The following CNTN5 variants were observed in gnomAD, a reference collection of about 807,000 sequenced individuals.
The protein encoded by CNTN5 is contactin-5.
Under a neutral mutation model 129.1 loss-of-function variants are expected in CNTN5, and 77 were observed. That is an observed-to-expected ratio of 0.60 (90% CI 0.50 to 0.72). The LOEUF (loss-of-function observed/expected upper bound fraction) is 0.72. Among genes scored for constraint, CNTN5 ranks in the 30% least tolerant of loss-of-function variants. The probability of loss-of-function intolerance (pLI) is 0.00; values close to 1 mark genes in which losing one functional copy is unlikely to be tolerated. For missense variants in CNTN5, 1,478 were observed against 1,328.8 expected (o/e 1.11, Z -1.75); for synonymous variants, 509 against 465.6 (o/e 1.09, Z -1.20).
At chr11:100,140,653 G>T (rs1946668130) in intron 13 of CNTN5, among the ~76,000 whole-genome samples, 1 of 152,144 alleles carries the variant, frequency 6.6e-6, no homozygotes, top group Non-Finnish European at 1.5e-5. Context: ...TGAGTTAGAG[G>T]ACAGAGGAGG....
At chr11:99,588,082 G>T (rs1436866009) in intron 3 of CNTN5, among the ~76,000 whole-genome samples, 1 of 152,152 alleles carries the variant, frequency 6.6e-6, no homozygotes, top group African/African-American at 2.4e-5. Context: ...AGTGGCTCAC[G>T]CCTGTAATCC....
intron 2 of CNTN5, among the ~76,000 whole-genome samples, chr11:99,339,400 TAAGCCA>T (rs1404099713): frequency 6.6e-6 from 1 of 152,108 alleles, no homozygotes; most frequent in Non-Finnish European, 1.5e-5. Context: ...ACCTTTTTGC[TAAGCCA>T]ATGTTTGCTC....
At chr11:99,202,883 T>C (rs1263587654) in intron 1 of CNTN5, among the ~76,000 whole-genome samples, 5 of 151,832 alleles carry the variant, frequency 3.3e-5, no homozygotes, top group African/African-American at 4.8e-5. Flanking sequence ...TGAAAATATT[T>C]TCAATGGTTT....
At position 100,074,020 on chromosome 11, in the gene CNTN5, T is replaced by C. The variant is rs1017292750; in HGVS notation, c.1430-124T>C. 1.2e-5 allele frequency: 10 copies of C among 822,196 alleles called. No individual in the cohort carries two copies. In the East Asian group the frequency reaches 2.7e-4, roughly 22 times the overall value. 50.9% of individuals were successfully genotyped at this position (822,196 alleles called of 1,614,324 possible). A position where few individuals can be genotyped will look rare whatever the true frequency, so the allele number is the denominator to read the frequency against. ...TTTGAGCTACTGCCTTTTTCATGTG[T>C]AGATATACTATGATTTTATGAGAAA... On this transcript the variant is annotated intron_variant, in intron 12 of 24. Coordinates refer to ENST00000524871, the MANE Select transcript of CNTN5 (RefSeq NM_014361.4).
intron 1 of CNTN5, among the ~76,000 whole-genome samples, chr11:99,314,742 AG>A (rs1164421677): frequency 2.3e-5 from 3 of 128,440 alleles, no homozygotes; most frequent in Non-Finnish European, 5.5e-5. Flanking sequence ...AAAGGAAGAG[AG>A]GGGAGGAGAA....
chr11:99,091,495 G>A (rs1446840236), intron 1 of CNTN5, among the ~76,000 whole-genome samples: 2 of 152,182 alleles, frequency 1.3e-5, no homozygotes, highest in Non-Finnish European at 2.9e-5. Context: ...CTTAAGACTG[G>A]CAAGTCAGAG....
intron 9 of CNTN5, among the ~76,000 whole-genome samples, chr11:100,008,305 AAC>A (rs1382962944): frequency 2.0e-5 from 3 of 152,128 alleles, no homozygotes; most frequent in Non-Finnish European, 4.4e-5. Flanking sequence ...ATTTGTGAAA[AAC>A]ACAGTGTCTG....
At chr11:99,666,038 C>T (rs1356480587) in intron 3 of CNTN5, among the ~76,000 whole-genome samples, 2 of 151,926 alleles carry the variant, frequency 1.3e-5, no homozygotes, top group Non-Finnish European at 2.9e-5. Flanking sequence ...GATCTTGGCT[C>T]ACTGCAATCT....
intron 3 of CNTN5, among the ~76,000 whole-genome samples, chr11:99,570,952 C>A (rs1172464832): frequency 6.6e-6 from 1 of 151,920 alleles, no homozygotes; most frequent in Non-Finnish European, 1.5e-5. Context: ...ATGTCAAAAC[C>A]CTCAAAAGGA....
At chr11:100,133,962 A>T (rs932764751) in intron 13 of CNTN5, among the ~76,000 whole-genome samples, 3 of 152,184 alleles carry the variant, frequency 2.0e-5, no homozygotes, top group Non-Finnish European at 2.9e-5. Flanking sequence ...AAGAACCAGG[A>T]AAAGCAAAAG....
At chr11:100,143,667 T>A (rs1220435190) in intron 13 of CNTN5, among the ~76,000 whole-genome samples, 6 of 152,116 alleles carry the variant, frequency 3.9e-5, no homozygotes, top group African/African-American at 1.2e-4. Flanking sequence ...TATGCCAGAT[T>A]GTTAGTAATA....
chr11:100,275,259 A>T (rs914514057), intron 18 of CNTN5, among the ~76,000 whole-genome samples: 1 of 152,202 alleles, frequency 6.6e-6, no homozygotes, highest in Admixed American at 6.5e-5. Context: ...TTAGATTTTC[A>T]TGCATCCATA....
chr11:99,054,249 C>T (rs539285966), intron 1 of CNTN5, among the ~76,000 whole-genome samples: 5 of 151,792 alleles, frequency 3.3e-5, no homozygotes, highest in African/African-American at 1.2e-4. Context: ...TCTGGTGTTT[C>T]CTGAAGGGCT....
intron 1 of CNTN5, among the ~76,000 whole-genome samples, chr11:99,148,059 A>G (rs1859871420): frequency 6.6e-6 from 1 of 152,112 alleles, no homozygotes; most frequent in East Asian, 1.9e-4. Flanking sequence ...CATATTTTTG[A>G]TTGGGTAATA....
At chr11:100,004,570 C>T (rs1437239060) in intron 9 of CNTN5, among the ~76,000 whole-genome samples, 1 of 152,116 alleles carries the variant, frequency 6.6e-6, no homozygotes, top group African/African-American at 2.4e-5. Context: ...TGTCAGGATC[C>T]CAGATGTAAT....
chr11:99,758,534 A>G (rs1944476216), intron 3 of CNTN5, among the ~76,000 whole-genome samples: 1 of 152,048 alleles, frequency 6.6e-6, no homozygotes, highest in South Asian at 2.1e-4. Flanking sequence ...TTGTTCTTCA[A>G]GATGGTCTCA....
intron 13 of CNTN5, among the ~76,000 whole-genome samples, chr11:100,154,863 T>C (rs1947185641): frequency 6.6e-6 from 1 of 151,912 alleles, no homozygotes; most frequent in African/African-American, 2.4e-5. Context: ...TACTTTTTGA[T>C]GGGTTTTTTT....
intron 13 of CNTN5, among the ~76,000 whole-genome samples, chr11:100,105,008 C>T (rs1442262406): frequency 6.6e-6 from 1 of 152,172 alleles, no homozygotes; most frequent in East Asian, 1.9e-4. Context: ...ACTGCAATAA[C>T]TCTATGATAA....
chr11:100,129,962 T>A (rs1397916883), intron 13 of CNTN5, among the ~76,000 whole-genome samples: 1 of 152,084 alleles, frequency 6.6e-6, no homozygotes, highest in East Asian at 1.9e-4. Context: ...TTTAACCTGA[T>A]TAGTACAACT....
Sources: allele counts gnomAD v4.1 joint callset (sites outside exome capture counted in the v4.1 genomes callset), GRCh38; gene constraint gnomAD v4.1.1; transcripts MANE v1.5; gene names NCBI Gene and HGNC (gene_info 2026-07-23, HGNC 2026-07-21).